The following AIG1 variants were observed in gnomAD, a reference collection of about 807,000 sequenced individuals.
AIG1 encodes the protein androgen-induced gene 1 protein.
AIG1 carries 23 observed loss-of-function variants against 31.4 expected under a neutral mutation model. The ratio of observed to expected loss-of-function variants is 0.73; its 90% CI spans 0.53 to 1.04. The LOEUF (loss-of-function observed/expected upper bound fraction) is 1.04. AIG1 is among the 50% of genes least tolerant of loss of function. AIG1 has a pLI of 0.00. For missense variants in AIG1, 274 were observed against 295.0 expected, an observed-to-expected ratio of 0.93 and a Z score of 0.52; for synonymous variants, 100 against 110.5, an observed-to-expected ratio of 0.90 and a Z score of 0.60.
chr6:143,288,137 C>A lies in AIG1; in HGVS notation c.515+3912C>A, dbSNP rs1484965051. On this transcript the variant is annotated intron_variant, in intron 4 of 5. Transcript: ENST00000357847. This position sits in a 1 kb window ranked among gnomAD's most constrained non-coding sequence, Gnocchi z 4.4. ...GGGGCTGAATCTTTTCCCGGGCTGG[C>A]TCCACCCTCACTTCCAAGCACCTGG... Among the ~76,000 whole-genome samples the A allele has an allele frequency of 6.6e-6, 1 of 152,134 alleles. No homozygotes were observed. Among genetic ancestry groups the A allele is most frequent in the Non-Finnish European group, 1.5e-5 (1 of 68,032 alleles).
At chr6:143,178,603 C>T (rs1286644433) in intron 3 of AIG1, among the ~76,000 whole-genome samples, 2 of 152,206 alleles carry the variant, frequency 1.3e-5, no homozygotes, top group African/African-American at 4.8e-5. Context: ...AGATGCTTTG[C>T]TTCCGTGTCT....
chr6:143,263,823 A>T (rs1795972719), intron 3 of AIG1, among the ~76,000 whole-genome samples: 1 of 152,172 alleles, frequency 6.6e-6, no homozygotes. Context: ...GATTATTAAG[A>T]TTATTTTAAA....
chr6:143,237,670 C>T (rs1218001751), intron 3 of AIG1, among the ~76,000 whole-genome samples: 1 of 152,156 alleles, frequency 6.6e-6, no homozygotes, highest in Non-Finnish European at 1.5e-5. Flanking sequence ...ACAATTTCTA[C>T]TCTAACCGAA....
chr6:143,304,321 C>T (rs1371712744), intron 4 of AIG1, among the ~76,000 whole-genome samples: 1 of 150,820 alleles, frequency 6.6e-6, no homozygotes, highest in Non-Finnish European at 1.5e-5. Context: ...AAAGGGAATG[C>T]TTCCAGTTTT....
chr6:143,199,583 G>A (rs1790526874), intron 3 of AIG1, among the ~76,000 whole-genome samples: 1 of 152,120 alleles, frequency 6.6e-6, no homozygotes, highest in African/African-American at 2.4e-5. Context: ...CTCCAGTTAA[G>A]TGCTTTCTTA....
At chr6:143,168,638 C>T (rs2128569503) in intron 3 of AIG1, among the ~76,000 whole-genome samples, 1 of 151,712 alleles carries the variant, frequency 6.6e-6, no homozygotes, top group Non-Finnish European at 1.5e-5. Context: ...GAAACCCTGT[C>T]TCTTAAAAAA....
intron 2 of AIG1, among the ~76,000 whole-genome samples, chr6:143,163,434 C>G (rs1359647289): frequency 2.6e-5 from 4 of 152,162 alleles, no homozygotes; most frequent in Non-Finnish European, 5.9e-5. Flanking sequence ...AACCTTTTAT[C>G]TGTCCCAGTT....
chr6:143,104,190 G>A (rs1780591968), intron 1 of AIG1, among the ~76,000 whole-genome samples: 1 of 152,138 alleles, frequency 6.6e-6, no homozygotes, highest in Non-Finnish European at 1.5e-5. Context: ...ATTTAAGAGT[G>A]AATCTTGCAG....
intron 2 of AIG1, among the ~76,000 whole-genome samples, chr6:143,152,873 G>T (rs914600237): frequency 2.6e-5 from 4 of 152,172 alleles, no homozygotes; most frequent in Non-Finnish European, 5.9e-5. Context: ...GGCAATTTGG[G>T]TTCTGTAGGT....
chr6:143,147,274 G>A (rs931280082), intron 2 of AIG1, among the ~76,000 whole-genome samples: 1 of 152,118 alleles, frequency 6.6e-6, no homozygotes, highest in African/African-American at 2.4e-5. Flanking sequence ...TGCTTTTCTG[G>A]ATTCTCTGCG....
chr6:143,196,388 CA>C lies in AIG1; in HGVS notation c.399+31206del, dbSNP rs1201560716. Among the ~76,000 whole-genome samples, 1,131 of 151,030 alleles carry C rather than the reference CA, an allele frequency of 7.5e-3. 15 individuals carry two copies. Among genetic ancestry groups the C allele is most frequent in the Admixed American group, 0.011 (174 of 15,188 alleles). On this transcript the variant is annotated intron_variant, in intron 3 of 5. Transcript: ENST00000357847. Reference sequence around the variant, plus strand: ...ACACACACACACACACACACACACACACACACACCCCAATTTGATAAGTTGG... The same window carrying C: ...ACACACACACACACACACACACACACCACACACCCCAATTTGATAAGTTGG...
At chr6:143,146,188 C>A (rs1450524059) in intron 2 of AIG1, among the ~76,000 whole-genome samples, 1 of 152,004 alleles carries the variant, frequency 6.6e-6, no homozygotes, top group East Asian at 1.9e-4. Flanking sequence ...AGAGTTCCTA[C>A]TCTCTCTGGG....
At chr6:143,262,177 T>C (rs1795824322) in intron 3 of AIG1, among the ~76,000 whole-genome samples, 1 of 152,212 alleles carries the variant, frequency 6.6e-6, no homozygotes, top group African/African-American at 2.4e-5. Context: ...AAATCATCTC[T>C]ATATTAAAAC....
chr6:143,258,045 G>A lies in AIG1; in HGVS notation c.400-26065G>A, dbSNP rs1795487798. On this transcript the variant is annotated intron_variant, in intron 3 of 5. Coordinates refer to ENST00000357847, the MANE Select transcript of AIG1 (RefSeq NM_016108.4). The surrounding 1 kb of genome is among the most constrained non-coding windows in gnomAD (Gnocchi z 4.7). ...GAACAGAAACTAATAACTACTGAAT[G>A]CCTGTTATAAGCCAACCTGATGCCC... Among the ~76,000 whole-genome samples, 2 of 152,178 alleles carry A rather than the reference G, an allele frequency of 1.3e-5. No individual in the cohort carries two copies. The highest frequency in any genetic ancestry group is 6.5e-5 in the Admixed American group (1 of 15,272).
In AIG1 at chr6:143,331,659, TG is replaced by T. The variant is rs1454416900; in HGVS notation, c.516-1622del. On this transcript the variant is annotated intron_variant, in intron 4 of 5. Transcript: ENST00000357847. This position sits in a 1 kb window ranked among gnomAD's most constrained non-coding sequence, Gnocchi z 4.1. Reference sequence around the variant, plus strand: ...ATCTGTGTGTGTGTATATATGTGTGTGTGTATATGTGTGTGTGTGTGTATCT... The same window carrying T: ...ATCTGTGTGTGTGTATATATGTGTGTTGTATATGTGTGTGTGTGTGTATCT... 2.0e-5 allele frequency among the ~76,000 whole-genome samples: 3 copies of T among 151,882 alleles called. No homozygotes were observed. The highest frequency in any genetic ancestry group is 7.3e-5 in the African/African-American group (3 of 41,338).
chr6:143,187,534 T>A, intron 3 of AIG1: 1 of 1,534,246 alleles, frequency 6.5e-7, no homozygotes, highest in Non-Finnish European at 8.7e-7. Context: ...TTTTTCACAC[T>A]GGGTAGGCCT....
intron 4 of AIG1, among the ~76,000 whole-genome samples, chr6:143,313,574 T>C (rs1775484205): frequency 6.6e-6 from 1 of 151,888 alleles, no homozygotes; most frequent in Non-Finnish European, 1.5e-5. Context: ...ATGGTGGCAA[T>C]GAGGGTTAAA....
chr6:143,285,327 C>T (rs1797610548), intron 4 of AIG1, among the ~76,000 whole-genome samples: 1 of 150,604 alleles, frequency 6.6e-6, no homozygotes, highest in African/African-American at 2.4e-5. Context: ...CAAGCATGAG[C>T]CACCGCGTCC....
chr6:143,202,048 T>C (rs897599904), intron 3 of AIG1, among the ~76,000 whole-genome samples: 1 of 152,170 alleles, frequency 6.6e-6, no homozygotes, highest in African/African-American at 2.4e-5. Flanking sequence ...AGATACCCAG[T>C]TAATGCAAAC....
Sources: allele counts gnomAD v4.1 joint callset (sites outside exome capture counted in the v4.1 genomes callset), GRCh38; gene constraint gnomAD v4.1.1; non-coding constraint Gnocchi (gnomAD v3.1); transcripts MANE v1.5; gene names NCBI Gene and HGNC (gene_info 2026-07-23, HGNC 2026-07-21).